The following EAF2 variants were observed in gnomAD, a reference collection of about 807,000 sequenced individuals.
EAF2 encodes the protein ELL associated factor 2, also known as ELL-associated factor 2.
EAF2 carries 29 observed loss-of-function variants against 29.4 expected under a neutral mutation model. The ratio of observed to expected loss-of-function variants is 0.99; its 90% confidence interval spans 0.73 to 1.35. The LOEUF (loss-of-function observed/expected upper bound fraction) is 1.35, where lower values mean the gene tolerates loss of function less well. EAF2 is among the 40% of genes most tolerant of loss of function. The probability of loss-of-function intolerance (pLI) is 0.00; values close to 1 mark genes in which losing one functional copy is unlikely to be tolerated. For missense variants in EAF2, 292 were observed against 312.0 expected, an observed-to-expected ratio of 0.94 and a Z score of 0.48; for synonymous variants, 103 against 102.5, an observed-to-expected ratio of 1.00 and a Z score of -0.03.
At chr3:121,849,284 A>G (rs562331414) in intron 2 of EAF2, among the ~76,000 whole-genome samples, 410 of 152,250 alleles carry the variant, frequency 2.7e-3, no homozygotes, top group Non-Finnish European at 4.0e-3. Flanking sequence ...AGATTTTCTA[A>G]TTCCATTTGT....
chr3:121,863,914 C>A (rs1708879438), intron 4 of EAF2, among the ~76,000 whole-genome samples: 1 of 152,078 alleles, frequency 6.6e-6, no homozygotes, highest in Non-Finnish European at 1.5e-5. Flanking sequence ...TTCTTTTTGG[C>A]AATTGTGATG....
At chr3:121,835,584 C>G (rs1436653947) in intron 1 of EAF2, among the ~76,000 whole-genome samples, 193 bp downstream of exon 1, 1 of 152,054 alleles carries the variant, frequency 6.6e-6, no homozygotes, top group Admixed American at 6.5e-5. Context: ...CGGAGTAGAG[C>G]AAATGTGGGT....
rs537887278 is a variant in EAF2, at chr3:121,876,710, A to T, written c.736+3922A>T. Among the ~76,000 whole-genome samples, 28 of 152,092 alleles carry T rather than the reference A, an allele frequency of 1.8e-4. No homozygotes were observed. The South Asian group carries it at 5.2e-3, about 28-fold the overall frequency. ...AAATTTGTAGTGAGTTATGTATCCT[A>T]AAATGTTAAGGGTACCATTTAATTA... On this transcript the variant is annotated intron_variant, in intron 5 of 5. Transcript: ENST00000273668.
intron 2 of EAF2, among the ~76,000 whole-genome samples, chr3:121,848,123 C>A (rs1708561760): frequency 6.6e-6 from 1 of 152,116 alleles, no homozygotes; most frequent in African/African-American, 2.4e-5. Flanking sequence ...AGTGAATTAG[C>A]CAATTTGTAA....
At chr3:121,874,268 G>A (rs1709062040) in intron 5 of EAF2, among the ~76,000 whole-genome samples, 1 of 151,856 alleles carries the variant, frequency 6.6e-6, no homozygotes, top group South Asian at 2.1e-4. Flanking sequence ...AGCCAAGACT[G>A]AGAGGCAGAG....
At chr3:121,880,758 T>C (rs1374335553) in intron 5 of EAF2, among the ~76,000 whole-genome samples, 3 of 152,250 alleles carry the variant, frequency 2.0e-5, no homozygotes, top group African/African-American at 7.2e-5. Flanking sequence ...CTTCCAGTGC[T>C]GCGTTTAATA....
intron 4 of EAF2, among the ~76,000 whole-genome samples, chr3:121,865,544 T>G (rs2107531061): frequency 6.6e-6 from 1 of 152,032 alleles, no homozygotes; most frequent in East Asian, 2.0e-4. Flanking sequence ...GAATTGAGTT[T>G]GGGAGATAAG....
At chr3:121,861,970 ATTTTC>A (rs1708841121) in intron 4 of EAF2, among the ~76,000 whole-genome samples, 1 of 152,022 alleles carries the variant, frequency 6.6e-6, no homozygotes. Context: ...GTTGCAAATT[ATTTTC>A]TTTAAGAATG....
intron 2 of EAF2, among the ~76,000 whole-genome samples, chr3:121,852,739 C>T (rs573967991): frequency 6.6e-6 from 1 of 152,196 alleles, no homozygotes; most frequent in East Asian, 1.9e-4. Flanking sequence ...TAGAGGTCAT[C>T]CTTTTCTAAC....
intron 1 of EAF2, 66 bp downstream of exon 1, chr3:121,835,457 C>T (rs1040549085): frequency 1.4e-6 from 2 of 1,450,974 alleles, no homozygotes; most frequent in Non-Finnish European, 1.9e-6. Context: ...GGCACAAACC[C>T]CTCTGGGTTT....
At chr3:121,844,705 A>AT (rs35469357) in intron 2 of EAF2, among the ~76,000 whole-genome samples, 158 bp downstream of exon 2, 55,900 of 152,034 alleles carry the variant, frequency 0.37, 10,784 homozygotes, top group African/African-American at 0.42. Flanking sequence ...GGCAAAAAAA[A>AT]CTTAAAATAC....
intron 4 of EAF2, among the ~76,000 whole-genome samples, 155 bp downstream of exon 4, chr3:121,857,311 G>A (rs1708738147): frequency 6.6e-6 from 1 of 152,114 alleles, no homozygotes; most frequent in South Asian, 2.1e-4. Flanking sequence ...GGCCAACATG[G>A]TGAAACCGCA....
chr3:121,845,913 C>T (rs955216116), intron 2 of EAF2, among the ~76,000 whole-genome samples: 2 of 152,012 alleles, frequency 1.3e-5, no homozygotes, highest in Non-Finnish European at 2.9e-5. Flanking sequence ...TTTCTCAGTC[C>T]TTGAGTTAGA....
At chr3:121,872,922 A>G in intron 5 of EAF2, 134 bp downstream of exon 5, 1 of 1,305,564 alleles carries the variant, frequency 7.7e-7, no homozygotes, top group Non-Finnish European at 1.0e-6. Context: ...TTACATTTTT[A>G]TTGAATTATG....
At chr3:121,847,177 A>G (rs1403312049) in intron 2 of EAF2, among the ~76,000 whole-genome samples, 5 of 152,236 alleles carry the variant, frequency 3.3e-5, no homozygotes, top group African/African-American at 1.2e-4. Context: ...CAGTGTCCTG[A>G]AACATTTTAT....
At chr3:121,860,171 G>A (rs927037451) in intron 4 of EAF2, among the ~76,000 whole-genome samples, 1 of 152,188 alleles carries the variant, frequency 6.6e-6, no homozygotes, top group Non-Finnish European at 1.5e-5. Flanking sequence ...ATATCAGGAT[G>A]ATGCTGGCCT....
chr3:121,881,369 A>C (rs1025282609), intron 5 of EAF2, among the ~76,000 whole-genome samples: 10 of 152,024 alleles, frequency 6.6e-5, no homozygotes, highest in Non-Finnish European at 1.2e-4. Context: ...ACTTTTTATT[A>C]CTGATTCAGT....
In EAF2 at chr3:121,854,839, AAAT is replaced by A; in HGVS notation, c.338+19_338+21del. The A allele has an allele frequency of 6.5e-7, 1 of 1,533,536 alleles. No individual in the cohort carries two copies. The highest frequency in any genetic ancestry group is 8.7e-7 in the Non-Finnish European group (1 of 1,150,992). The allele number at this position is 1,533,536 out of a possible 1,614,324, so 95.0% of individuals were successfully genotyped here. A position where few individuals can be genotyped will look rare whatever the true frequency, so the allele number is the denominator to read the frequency against. On this transcript the variant is annotated intron_variant, in intron 3 of 5. Coordinates refer to ENST00000273668, the MANE Select transcript of EAF2 (RefSeq NM_018456.6). Reference sequence around the variant, plus strand: ...AAAAAACAAGGTATGTGGTTTAATGAAATAAATTATATTATAAACATAAATTTC... The same window carrying A: ...AAAAAACAAGGTATGTGGTTTAATGAAAATTATATTATAAACATAAATTTC...
chr3:121,862,841 G>T (rs538886679), intron 4 of EAF2, among the ~76,000 whole-genome samples: 2 of 152,144 alleles, frequency 1.3e-5, no homozygotes, highest in African/African-American at 4.8e-5. Context: ...TCTACCTTTG[G>T]TCTTTGATAA....
Sources: gnomAD v4.1 joint callset for allele counts (sites outside exome capture counted in the v4.1 genomes callset) on GRCh38, gnomAD v4.1.1 for gene constraint, MANE v1.5 for transcripts, NCBI Gene and HGNC (gene_info 2026-07-23, HGNC 2026-07-21) for gene names.